TM4SF19: variants seen among roughly 807,000 people sequenced by gnomAD.
TM4SF19 encodes the protein transmembrane 4 L six family member 19, also known as transmembrane 4 L6 family member 19.
In TM4SF19, 17 loss-of-function variants were observed where a neutral mutation model predicts 21.8. The ratio of observed to expected loss-of-function variants is 0.78; its 90% CI spans 0.53 to 1.17. The LOEUF is 1.17. TM4SF19 is among the 50% of genes most tolerant of loss of function. TM4SF19 has a pLI of 0.00. For synonymous variants in TM4SF19, 107 were observed against 106.7 expected (o/e 1.00, Z -0.02); for missense variants, 216 against 252.1 (o/e 0.86, Z 0.97).
At chr3:196,331,127 A>T (rs1251737666) in intron 1 of TM4SF19, among the ~76,000 whole-genome samples, 1 of 151,986 alleles carries the variant, frequency 6.6e-6, no homozygotes, top group African/African-American at 2.4e-5. Context: ...ATACAAAAAA[A>T]TTGCTGGACG....
chr3:196,331,496 AT>A (rs1390577294), intron 1 of TM4SF19, among the ~76,000 whole-genome samples: 5 of 151,126 alleles, frequency 3.3e-5, no homozygotes, highest in Admixed American at 2.6e-4. Flanking sequence ...ATTGAAAAAA[AT>A]TTATTTTTAG....
In TM4SF19 at chr3:196,324,281, G is replaced by C; in HGVS notation, c.439C>G (p.Leu147Val). 6.2e-7 allele frequency: 1 copy of C among 1,614,070 alleles called. No homozygotes were observed. ...CCTCCACCCATTTACCTACTATGCAGGTCTTTGAATGGGTAACCATATTTC... is the reference window on the plus strand; with the variant it reads ...CCTCCACCCATTTACCTACTATGCACGTCTTTGAATGGGTAACCATATTTC... The part of the protein sequence containing the change: ...AWKYGYPFKD[L>V]HSRNYLYDRS... Residue 147 changes from leucine (L) to valine (V), a missense_variant, in exon 4 of 5, where the codon CTG (leucine) becomes GTG (valine). Transcript: ENST00000273695.
intron 4 of TM4SF19, 67 bp downstream of exon 4, chr3:196,324,204 G>C (rs772530092): frequency 2.4e-5 from 37 of 1,563,040 alleles, no homozygotes; most frequent in Non-Finnish European, 3.2e-5. Context: ...TAGTTCGTCT[G>C]TGTGTCTTTT....
Position 196,323,672 on chromosome 3 carries a change from G to T in TM4SF19, c.*145C>A, listed in dbSNP as rs765403471. On this transcript the variant is annotated 3_prime_UTR_variant, in exon 5 of 5. Transcript: ENST00000273695. Reference sequence around the variant, plus strand: ...TTAAAATGCATTCTATCATTCCACCGACCTGCAGTGAATTTTGTTGTCATT... The same window carrying T: ...TTAAAATGCATTCTATCATTCCACCTACCTGCAGTGAATTTTGTTGTCATT... 6 of 1,482,618 alleles carry T rather than the reference G, an allele frequency of 4.0e-6. No individual in the cohort carries two copies. The highest frequency in any genetic ancestry group is 2.5e-5 in the South Asian group (2 of 80,342). 91.8% of individuals were successfully genotyped at this position (1,482,618 alleles called of 1,614,324 possible).
intron 3 of TM4SF19, among the ~76,000 whole-genome samples, chr3:196,326,166 G>C (rs1039055089): frequency 1.6e-4 from 25 of 152,182 alleles, no homozygotes; most frequent in Non-Finnish European, 3.2e-4. Context: ...GTAGAGACGG[G>C]GTTTCACCAT....
chr3:196,336,092 C>T (rs938800697), intron 1 of TM4SF19, among the ~76,000 whole-genome samples: 2 of 152,094 alleles, frequency 1.3e-5, no homozygotes, highest in African/African-American at 4.8e-5. Context: ...CTACAGAAAA[C>T]GTTCCCATCA....
chr3:196,328,311 A>AC (rs1190798120), intron 1 of TM4SF19, among the ~76,000 whole-genome samples: 1 of 152,052 alleles, frequency 6.6e-6, no homozygotes, highest in African/African-American at 2.4e-5. Flanking sequence ...AAAAAAAAAA[A>AC]AAGTAACATT....
intron 1 of TM4SF19, among the ~76,000 whole-genome samples, chr3:196,337,602 A>G (rs1018478804): frequency 6.6e-6 from 1 of 151,924 alleles, no homozygotes; most frequent in Non-Finnish European, 1.5e-5. Context: ...CGGGTAAGGG[A>G]AAAACGCCTC....
chr3:196,332,506 A>T (rs55699816), intron 1 of TM4SF19, among the ~76,000 whole-genome samples: 37,007 of 149,714 alleles, frequency 0.25, 6,076 homozygotes, highest in East Asian at 0.78. Flanking sequence ...GAAGAAAAAA[A>T]ATATATATAT....
Position 196,324,018 on chromosome 3 carries a change from A to G in TM4SF19, c.450-21T>C, listed in dbSNP as rs1727175359. ...AATTCCTATCCCAAAAAATAAGGAG[A>G]CCAGGGGTCAGGCGATAAGTAAGGA... is the stretch of plus-strand genomic sequence containing the variant. On this transcript the variant is annotated intron_variant, in intron 4 of 4. Coordinates refer to ENST00000273695, the MANE Select transcript of TM4SF19 (RefSeq NM_138461.4). The G allele has an allele frequency of 1.9e-6, 3 of 1,612,464 alleles. No homozygotes were observed. In the East Asian group the frequency reaches 6.7e-5, roughly 36 times the overall value.
intron 3 of TM4SF19, among the ~76,000 whole-genome samples, 162 bp downstream of exon 3, chr3:196,326,793 G>A (rs540553025): frequency 2.0e-5 from 3 of 152,236 alleles, no homozygotes. Flanking sequence ...GCCTGAAACT[G>A]GAAAGATGAA....
chr3:196,323,762 AT>A lies in TM4SF19; in HGVS notation c.*54del. 1 of 1,614,052 alleles carries A rather than the reference AT, an allele frequency of 6.2e-7. No homozygotes were observed. The highest frequency in any genetic ancestry group is 1.3e-5 in the African/African-American group (1 of 75,044). On this transcript the variant is annotated 3_prime_UTR_variant, in exon 5 of 5. Coordinates refer to ENST00000273695, the MANE Select transcript of TM4SF19 (RefSeq NM_138461.4). ...TTCGTACCCACTCCTTGTAGAAAGG[AT>A]TCAAGACAGCCGATGATGAAAACAC...
chr3:196,337,636 G>GT (rs1443570627), intron 1 of TM4SF19, among the ~76,000 whole-genome samples: 1 of 152,212 alleles, frequency 6.6e-6, no homozygotes, highest in Non-Finnish European at 1.5e-5. Flanking sequence ...CACGACTTCA[G>GT]TAAACACACT....
intron 1 of TM4SF19, among the ~76,000 whole-genome samples, chr3:196,337,435 AGACAG>A (rs2108815062): frequency 6.6e-6 from 1 of 152,260 alleles, no homozygotes; most frequent in East Asian, 1.9e-4. Context: ...GCGTTGGGAA[AGACAG>A]TCTCCCAATA....
Position 196,329,651 on chromosome 3 carries a change from G to C in TM4SF19, c.-1-2060C>G, listed in dbSNP as rs1391056415. On this transcript the variant is annotated intron_variant, in intron 1 of 4. Coordinates refer to ENST00000273695, the MANE Select transcript of TM4SF19 (RefSeq NM_138461.4). ...CACTGCACTTCAGCCTGGGCGACAA[G>C]AGCAAGCGACTCCATCTAAAAAAAA... 3.4e-5 allele frequency among the ~76,000 whole-genome samples: 4 copies of C among 116,622 alleles called. 1 individual carries two copies. The highest frequency in any genetic ancestry group is 1.1e-4 in the African/African-American group (4 of 35,038). 76.5% of individuals were successfully genotyped at this position (116,622 alleles called of 152,430 possible).
chr3:196,325,973 CTTAT>C lies in TM4SF19; in HGVS notation c.279+978_279+981del, dbSNP rs376447354. 1.3e-5 allele frequency among the ~76,000 whole-genome samples: 2 copies of C among 152,022 alleles called. No homozygotes were observed. Among genetic ancestry groups the C allele is most frequent in the African/African-American group, 2.4e-5 (1 of 41,402 alleles). ...AAGTGTTTATTTATTTATCTATGTA[CTTAT>C]TTATTTATTTATTTTGAAACGGAGT... On this transcript the variant is annotated intron_variant, in intron 3 of 4. Transcript: ENST00000273695. This position sits in a 1 kb window ranked among gnomAD's most constrained non-coding sequence, Gnocchi z 4.3.
rs1007747069 is a variant in TM4SF19, at chr3:196,329,435, T to C, written c.-1-1844A>G. 6.3e-5 allele frequency among the ~76,000 whole-genome samples: 8 copies of C among 126,236 alleles called. 2 individuals are homozygous for C. Among genetic ancestry groups the C allele is most frequent in the African/African-American group, 2.1e-4 (8 of 37,680 alleles). 82.8% of individuals were successfully genotyped at this position (126,236 alleles called of 152,430 possible). On this transcript the variant is annotated intron_variant, in intron 1 of 4. Coordinates refer to ENST00000273695, the MANE Select transcript of TM4SF19 (RefSeq NM_138461.4). ...AGAATAAAACAAAGGAGAAAAACACTGGGACCTTGGGTTAGATAAAGGTTT... is the reference window on the plus strand; with the variant it reads ...AGAATAAAACAAAGGAGAAAAACACCGGGACCTTGGGTTAGATAAAGGTTT...
intron 1 of TM4SF19, among the ~76,000 whole-genome samples, chr3:196,328,580 A>G (rs1420730285): frequency 3.9e-5 from 6 of 152,240 alleles, no homozygotes; most frequent in African/African-American, 1.2e-4. Flanking sequence ...AGCATTGCTG[A>G]GAAAATTAAT....
rs778284890 is a variant in TM4SF19, at chr3:196,323,997, C to T, written c.450G>A (p.Arg150=). The T allele has an allele frequency of 1.5e-5, 25 of 1,613,804 alleles. No individual in the cohort carries two copies. The South Asian group carries it at 2.3e-4, about 15-fold the overall frequency. Residue 150 remains arginine, a splice_region_variant and synonymous_variant, in exon 5 of 5, where the codon AGG becomes AGA. Coordinates refer to ENST00000273695, the MANE Select transcript of TM4SF19 (RefSeq NM_138461.4). ...YGYPFKDLHS[R]NYLYDRSLWN... Reference sequence around the variant, plus strand: ...AGAGCGAACGGTCATACAGATAATTCCTATCCCAAAAAATAAGGAGACCAG... The same window carrying T: ...AGAGCGAACGGTCATACAGATAATTTCTATCCCAAAAAATAAGGAGACCAG...
Sources: allele counts gnomAD v4.1 joint callset (sites outside exome capture counted in the v4.1 genomes callset), GRCh38; gene constraint gnomAD v4.1.1; non-coding constraint Gnocchi (gnomAD v3.1); transcripts MANE v1.5; gene names NCBI Gene and HGNC (gene_info 2026-07-23, HGNC 2026-07-21).